CNR1: variants seen among roughly 807,000 people sequenced by gnomAD.
CNR1 encodes cannabinoid receptor 1 (brain).
CNR1 carries 10 observed loss-of-function variants against 23.0 expected under a neutral mutation model. The ratio of observed to expected loss-of-function variants is 0.43; its 90% CI spans 0.27 to 0.74. The LOEUF (loss-of-function observed/expected upper bound fraction) is 0.74, where lower values mean the gene tolerates loss of function less well. Ranked by LOEUF, CNR1 falls within the 30% of genes least tolerant of loss-of-function variation. The probability of loss-of-function intolerance (pLI) is 0.19; values close to 1 mark genes in which losing one functional copy is unlikely to be tolerated. For missense variants in CNR1, 422 were observed against 618.8 expected, an observed-to-expected ratio of 0.68 and a Z score of 3.37; for synonymous variants, 271 against 255.2, an observed-to-expected ratio of 1.06 and a Z score of -0.59.
intron 1 of CNR1, 86 bp from the exon 2 acceptor site, chr6:88,145,423 T>C: frequency 1.1e-5 from 7 of 659,664 alleles, no homozygotes; most frequent in Non-Finnish European, 1.6e-5. Context: ...GCAAATGTAC[T>C]GTCATGGCAA....
chr6:88,145,166 T>A lies in CNR1; in HGVS notation c.109A>T (p.Met37Leu). The A allele has an allele frequency of 6.2e-7, 1 of 1,614,162 alleles. No homozygotes were observed. The highest frequency in any genetic ancestry group is 8.5e-7 in the Non-Finnish European group (1 of 1,180,010). The change falls in exon 2 of 2, where the codon ATG becomes TTG. Residue 37 changes from methionine (M) to leucine (L), a missense_variant. Physicochemically the swap from Met to Leu is conservative, Grantham distance 15. Coordinates refer to ENST00000369501, the MANE Select transcript of CNR1 (RefSeq NM_016083.6). ...GGGAAGTACCCTAATTTGGATGCCA[T>A]GTCACCTTTGATGTCTTCGTACTGA... The part of the protein sequence containing the change: ...DIQYEDIKGD[M>L]ASKLGYFPQK...
upstream of CNR1, among the ~76,000 whole-genome samples, chr6:88,167,023 G>C (rs1307743091): frequency 1.3e-5 from 2 of 151,874 alleles, no homozygotes; most frequent in African/African-American, 2.4e-5. Context: ...CCAGCTTCGC[G>C]CCAGGCGCCT....
intron 1 of CNR1, among the ~76,000 whole-genome samples, chr6:88,158,318 G>A (rs1440321180): frequency 6.6e-6 from 1 of 152,188 alleles, no homozygotes; most frequent in African/African-American, 2.4e-5. Context: ...ATACAATTAA[G>A]AATTAAGAGA....
At chr6:88,166,357 T>C (rs1778371201), upstream of CNR1, 1 of 152,316 alleles carries the variant, frequency 6.6e-6, no homozygotes, top group South Asian at 2.1e-4. Context: ...TGGCTCCCTC[T>C]CGCTCCAGTC....
At chr6:88,146,331 CTT>C (rs2127831931) in intron 1 of CNR1, among the ~76,000 whole-genome samples, 1 of 152,328 alleles carries the variant, frequency 6.6e-6, no homozygotes, top group South Asian at 2.1e-4. Context: ...GTCTCAAACT[CTT>C]GACCTCAGGT....
intron 1 of CNR1, among the ~76,000 whole-genome samples, chr6:88,148,179 C>T (rs183410537): frequency 5.3e-5 from 8 of 152,310 alleles, no homozygotes; most frequent in East Asian, 3.9e-4. Context: ...CTTACACTCC[C>T]GCCTGGTCAA....
At chr6:88,159,679 T>G (rs1174812379) in intron 1 of CNR1, among the ~76,000 whole-genome samples, 2 of 152,232 alleles carry the variant, frequency 1.3e-5, no homozygotes, top group Non-Finnish European at 2.9e-5. Flanking sequence ...ACAAAATTCT[T>G]TGGCCAATCT....
intron 1 of CNR1, among the ~76,000 whole-genome samples, chr6:88,150,635 A>G (rs1040662565): frequency 6.6e-6 from 1 of 152,202 alleles, no homozygotes; most frequent in African/African-American, 2.4e-5. Flanking sequence ...GCTATTAGAA[A>G]TGATGCTGCA....
intron 1 of CNR1, chr6:88,164,364 C>T (rs1778259020): frequency 6.6e-6 from 1 of 152,358 alleles, no homozygotes; most frequent in African/African-American, 2.4e-5. Flanking sequence ...TTTTTTAAAA[C>T]CATGTCCCAC....
intron 1 of CNR1, among the ~76,000 whole-genome samples, chr6:88,146,048 T>C (rs1777162689): frequency 6.6e-6 from 1 of 152,012 alleles, no homozygotes; most frequent in Non-Finnish European, 1.5e-5. Context: ...CCAAGAAAAA[T>C]GTCACAAAGA....
rs758413605 is a variant in CNR1, at chr6:88,143,950, A to C, written c.1325T>G (p.Val442Gly). The change falls in exon 2 of 2, where the codon GTT becomes GGT. Residue 442 changes from valine (V) to glycine (G), a missense_variant. Physicochemically the swap from Val to Gly is moderately radical, Grantham distance 109. Transcript: ENST00000369501. ...GATGCAGCTTTCTGCGGCCCTGTGA[A>C]CACTGGCTGCATTGTTTGCGTGTTT... ...LHKHANNAAS[V>G]HRAAESCIKS... 1.2e-5 allele frequency: 19 copies of C among 1,614,092 alleles called. No homozygotes were observed. The highest frequency in any genetic ancestry group is 3.3e-4 in the Middle Eastern group (2 of 6,062).
chr6:88,157,178 A>T lies in CNR1; in HGVS notation c.-64+8625T>A, dbSNP rs571946153. Among the ~76,000 whole-genome samples the T allele has an allele frequency of 3.3e-5, 5 of 152,296 alleles. No individual in the cohort carries two copies. In the South Asian group the frequency reaches 1.0e-3, roughly 32 times the overall value. On this transcript the variant is annotated intron_variant, in intron 1 of 1. Transcript: ENST00000369501. ...TAGACCTTTAAAGACAATATATGAA[A>T]TTACTATTATAATGGACTTTTTTTC...
rs1309040728 is a variant in CNR1, at chr6:88,143,146, C to A, written c.*710G>T. 3 of 152,332 alleles carry A rather than the reference C, an allele frequency of 2.0e-5. No individual in the cohort carries two copies. The highest frequency in any genetic ancestry group is 7.2e-5 in the African/African-American group (3 of 41,444). 9.4% of individuals were successfully genotyped at this position (152,332 alleles called of 1,614,324 possible). On this transcript the variant is annotated 3_prime_UTR_variant, in exon 2 of 2. Transcript: ENST00000369501. The stretch of plus-strand genomic sequence containing the variant: ...ATAAATTTTTAAGTATGAATGAATT[C>A]TGCTCAATATTTTGAAGTCTTCAAA...
chr6:88,154,468 T>C (rs1318444130), intron 1 of CNR1, among the ~76,000 whole-genome samples: 1 of 152,252 alleles, frequency 6.6e-6, no homozygotes, highest in Non-Finnish European at 1.5e-5. Flanking sequence ...CAAATTCCAT[T>C]TACTATTTAA....
In CNR1 at chr6:88,165,949, G is replaced by C. The variant is rs1326586297; in HGVS notation, c.-210C>G. The C allele has an allele frequency of 6.5e-6, 1 of 152,954 alleles. No homozygotes were observed. Among genetic ancestry groups the C allele is most frequent in the Non-Finnish European group, 1.5e-5 (1 of 68,586 alleles). The allele number at this position is 152,954 out of a possible 1,614,324, so 9.5% of individuals were successfully genotyped here. On this transcript the variant is annotated 5_prime_UTR_variant, in exon 1 of 2. Coordinates refer to ENST00000369501, the MANE Select transcript of CNR1 (RefSeq NM_016083.6). Reference sequence around the variant, plus strand: ...GAGGCCCCCGCCCGGGCCAAGGGAAGGCGCTGGCGCCGCGGGAGACAAGAA... The same window carrying C: ...GAGGCCCCCGCCCGGGCCAAGGGAACGCGCTGGCGCCGCGGGAGACAAGAA...
At chr6:88,166,908 G>C (rs1355987534), upstream of CNR1, among the ~76,000 whole-genome samples, 1 of 151,942 alleles carries the variant, frequency 6.6e-6, no homozygotes, top group Non-Finnish European at 1.5e-5. Flanking sequence ...AGCGAGCTGG[G>C]CCCGGGGCCG....
At chr6:88,151,127 C>T (rs1043642229) in intron 1 of CNR1, among the ~76,000 whole-genome samples, 2 of 152,108 alleles carry the variant, frequency 1.3e-5, no homozygotes, top group Non-Finnish European at 2.9e-5. Flanking sequence ...GAAGTAGGTG[C>T]TATTATCCCC....
chr6:88,156,442 T>C (rs1317264104), intron 1 of CNR1, among the ~76,000 whole-genome samples: 2 of 152,148 alleles, frequency 1.3e-5, no homozygotes, highest in African/African-American at 4.8e-5. Context: ...CCTCCACCCC[T>C]CCACCTCGAA....
intron 1 of CNR1, among the ~76,000 whole-genome samples, chr6:88,155,622 CATG>C (rs1177984064): frequency 1.3e-5 from 2 of 152,158 alleles, no homozygotes; most frequent in African/African-American, 4.8e-5. Context: ...CTAATGTGTA[CATG>C]ATAATTTTAT....
Sources: allele counts gnomAD v4.1 joint callset (sites outside exome capture counted in the v4.1 genomes callset), GRCh38; gene constraint gnomAD v4.1.1; transcripts MANE v1.5; gene names NCBI Gene and HGNC (gene_info 2026-07-23, HGNC 2026-07-21).